Variants in SOBP observed in about 807,000 individuals in gnomAD.
SOBP encodes the protein sine oculis-binding protein homolog.
A neutral mutation model predicts 53.6 loss-of-function variants in SOBP; 4 were observed. The ratio of observed to expected loss-of-function variants is 0.07; its 90% CI spans 0.04 to 0.17. The LOEUF (loss-of-function observed/expected upper bound fraction) is 0.17. SOBP is among the 10% of genes least tolerant of loss of function. The probability of loss-of-function intolerance (pLI) is 1.00; values close to 1 mark genes in which losing one functional copy is unlikely to be tolerated. For missense variants in SOBP, 1,088 were observed against 1,204.7 expected (o/e 0.90, Z 1.43); for synonymous variants, 584 against 522.6 (o/e 1.12, Z -1.60).
chr6:107,518,660 T>A (rs1217739384), intron 3 of SOBP, among the ~76,000 whole-genome samples: 1 of 152,048 alleles, frequency 6.6e-6, no homozygotes, highest in Admixed American at 6.6e-5. Flanking sequence ...CACTTGGGAT[T>A]CCTTAGATGG....
chr6:107,573,186 G>A (rs1785125897), intron 4 of SOBP, among the ~76,000 whole-genome samples: 1 of 152,084 alleles, frequency 6.6e-6, no homozygotes, highest in East Asian at 1.9e-4. Context: ...CTGATTAGTG[G>A]GTGTGTTTGT....
intron 3 of SOBP, among the ~76,000 whole-genome samples, chr6:107,515,833 T>A (rs983035644): frequency 1.3e-5 from 2 of 152,198 alleles, no homozygotes; most frequent in Non-Finnish European, 2.9e-5. Context: ...CCAAAGCCAA[T>A]GATATATGCA....
At chr6:107,591,306 C>T (rs922751357) in intron 5 of SOBP, among the ~76,000 whole-genome samples, 1 of 152,140 alleles carries the variant, frequency 6.6e-6, no homozygotes, top group African/African-American at 2.4e-5. Flanking sequence ...ATAGTAAGTG[C>T]TCAGTATATA....
chr6:107,652,305 TTA>T (rs955632618), intron 6 of SOBP, among the ~76,000 whole-genome samples: 1 of 152,214 alleles, frequency 6.6e-6, no homozygotes, highest in Non-Finnish European at 1.5e-5. Flanking sequence ...TGGAAGGAGT[TTA>T]TTCCAACACT....
intron 6 of SOBP, among the ~76,000 whole-genome samples, chr6:107,649,843 T>C (rs1413286222): frequency 1.3e-5 from 2 of 152,130 alleles, no homozygotes; most frequent in Non-Finnish European, 2.9e-5. Flanking sequence ...GATAAGGACT[T>C]ACTTAAGTGA....
rs1782550735 is a variant in SOBP at position 107,490,536 on chromosome 6, T to TCCACCGCCGCCG, written c.-78_-67dup. 1 of 1,014,198 alleles carries TCCACCGCCGCCG rather than the reference T, an allele frequency of 9.9e-7. No homozygotes were observed. Among genetic ancestry groups the TCCACCGCCGCCG allele is most frequent in the Admixed American group, 2.1e-5 (1 of 48,638 alleles). The allele number at this position is 1,014,198 out of a possible 1,614,324, so 62.8% of individuals were successfully genotyped here. On this transcript the variant is annotated 5_prime_UTR_variant, in exon 1 of 7. Coordinates refer to ENST00000317357, the MANE Select transcript of SOBP (RefSeq NM_018013.4). The stretch of plus-strand genomic sequence containing the variant: ...CAGCCTCGCCACCATCAGCACCACC[T>TCCACCGCCGCCG]CCACCGCCGCCGCCGCCGCCACCAC...
At chr6:107,643,919 A>T (rs1197222459) in intron 6 of SOBP, among the ~76,000 whole-genome samples, 1 of 152,238 alleles carries the variant, frequency 6.6e-6, no homozygotes, top group Non-Finnish European at 1.5e-5. Context: ...TAAATGTATT[A>T]AAAAATCATA....
At position 107,553,892 on chromosome 6, in the gene SOBP, T is replaced by C. The variant is rs182892928; in HGVS notation, c.573+20282T>C. 2.6e-5 allele frequency among the ~76,000 whole-genome samples: 4 copies of C among 152,268 alleles called. No individual in the cohort carries two copies. In the East Asian group the frequency reaches 7.7e-4, roughly 29 times the overall value. The stretch of plus-strand genomic sequence containing the variant: ...CTGCCTCAGGTGTGGGCTTTTTGAA[T>C]TCTGGTTTAGAGTTCTATATAATGT... On this transcript the variant is annotated intron_variant, in intron 4 of 6. Transcript: ENST00000317357.
At chr6:107,518,291 A>G (rs528447413) in intron 3 of SOBP, among the ~76,000 whole-genome samples, 2 of 152,296 alleles carry the variant, frequency 1.3e-5, no homozygotes, top group South Asian at 4.1e-4. Context: ...TCATAGTGAG[A>G]GACCGGTAAA....
rs1159022876 is a variant in SOBP at position 107,633,170 on chromosome 6, A to G, written c.670-344A>G. Among the ~76,000 whole-genome samples the G allele has an allele frequency of 3.3e-5, 5 of 152,332 alleles. No individual in the cohort carries two copies. In the East Asian group the frequency reaches 9.6e-4, roughly 29 times the overall value. On this transcript the variant is annotated intron_variant, in intron 5 of 6. Transcript: ENST00000317357. ...AAAACTCTTTAGGTTTGCATTTACAATGAGCCTCTCTGACAAGTGAAAATG... is the reference window on the plus strand; with the variant it reads ...AAAACTCTTTAGGTTTGCATTTACAGTGAGCCTCTCTGACAAGTGAAAATG...
chr6:107,643,068 T>C (rs780187788), intron 6 of SOBP, among the ~76,000 whole-genome samples: 6 of 152,238 alleles, frequency 3.9e-5, no homozygotes, highest in Non-Finnish European at 2.9e-5. Context: ...TAACAAATTA[T>C]CTAGAAGCAA....
chr6:107,522,340 A>G (rs970588108), intron 3 of SOBP, among the ~76,000 whole-genome samples: 2 of 152,022 alleles, frequency 1.3e-5, no homozygotes, highest in Non-Finnish European at 1.5e-5. Flanking sequence ...AATTTTCTAG[A>G]TGCAGAATGG....
chr6:107,562,783 C>T (rs1784809342), intron 4 of SOBP, among the ~76,000 whole-genome samples: 1 of 152,000 alleles, frequency 6.6e-6, no homozygotes, highest in South Asian at 2.1e-4. Flanking sequence ...ACTAAAATAA[C>T]ATCAAAATGA....
chr6:107,640,644 C>T (rs1771265661), intron 6 of SOBP, among the ~76,000 whole-genome samples: 1 of 152,192 alleles, frequency 6.6e-6, no homozygotes, highest in Non-Finnish European at 1.5e-5. Flanking sequence ...CTGCTGGGAC[C>T]ATGTTAACCC....
At chr6:107,598,788 T>A (rs1331721973) in intron 5 of SOBP, among the ~76,000 whole-genome samples, 1 of 152,204 alleles carries the variant, frequency 6.6e-6, no homozygotes, top group African/African-American at 2.4e-5. Flanking sequence ...TGCAAATGAC[T>A]GTCCAAAAAT....
intron 4 of SOBP, among the ~76,000 whole-genome samples, chr6:107,559,577 T>C (rs1204518850): frequency 9.8e-5 from 15 of 152,372 alleles, no homozygotes; most frequent in Admixed American, 2.0e-4. Context: ...AGTCAGAGGA[T>C]CCTTAATCTC....
intron 5 of SOBP, among the ~76,000 whole-genome samples, chr6:107,603,460 G>A (rs985003333): frequency 8.5e-5 from 13 of 152,168 alleles, no homozygotes; most frequent in South Asian, 4.1e-4. Flanking sequence ...AATAGTGGCC[G>A]CCACATAAAA....
At position 107,634,678 on chromosome 6, in the gene SOBP, C is replaced by G; in HGVS notation, c.1834C>G (p.Pro612Ala). 1 of 1,533,186 alleles carries G rather than the reference C, an allele frequency of 6.5e-7. No homozygotes were observed. The highest frequency in any genetic ancestry group is 8.7e-7 in the Non-Finnish European group (1 of 1,145,946). The allele number at this position is 1,533,186 out of a possible 1,614,324, so 95.0% of individuals were successfully genotyped here. Residue 612 changes from proline to alanine, a missense_variant, in exon 6 of 7, where the codon CCC (proline) becomes GCC (alanine). Physicochemically the swap from Pro to Ala is conservative, Grantham distance 27 (BLOSUM62 -1). Coordinates refer to ENST00000317357, the MANE Select transcript of SOBP (RefSeq NM_018013.4). The surrounding 1 kb of genome is among the most constrained non-coding windows in gnomAD (Gnocchi z 4.5). The stretch of plus-strand genomic sequence containing the variant: ...CCAGGCCCTGAGCCTGGCGCCCACG[C>G]CCGCCGAGCATGGCCGGAGCGAGGT... ...SGQALSLAPTPAEHGRSEVVD... is the reference protein window; with the variant it reads ...SGQALSLAPTAAEHGRSEVVD...
chr6:107,539,167 A>G (rs1469491845), intron 4 of SOBP, among the ~76,000 whole-genome samples: 1 of 152,226 alleles, frequency 6.6e-6, no homozygotes, highest in Non-Finnish European at 1.5e-5. Flanking sequence ...ACTGAAAGGA[A>G]CAGCAACCAC....
Sources: allele counts gnomAD v4.1 joint callset (sites outside exome capture counted in the v4.1 genomes callset), GRCh38; gene constraint gnomAD v4.1.1; non-coding constraint Gnocchi (gnomAD v3.1); transcripts MANE v1.5; gene names NCBI Gene and HGNC (gene_info 2026-07-23, HGNC 2026-07-21).